Variants in ARHGAP8 observed in about 807,000 individuals in gnomAD.
The protein encoded by ARHGAP8 is Rho GTPase activating protein 8.
A neutral mutation model predicts 46.1 loss-of-function variants in ARHGAP8; 62 were observed. The observed-to-expected ratio is 1.34, with a 90% CI of 1.10 to 1.66. The LOEUF is 1.66. ARHGAP8 is among the 40% of genes most tolerant of loss of function. ARHGAP8 has a pLI of 0.00. For synonymous variants in ARHGAP8, 375 were observed against 243.1 expected, an observed-to-expected ratio of 1.54 and a Z score of -5.05; for missense variants, 923 against 568.4, an observed-to-expected ratio of 1.62 and a Z score of -6.34.
chr22:44,808,442 C>T lies in ARHGAP8; in HGVS notation c.299+4C>T, dbSNP rs374300088. On this transcript the variant is annotated splice_donor_region_variant and intron_variant, in intron 4 of 11. Transcript: ENST00000356099. ...CATACAAGGAGTTCGATAGGAAGTA[C>T]GTGCCCGCAAGCCTTCAGGGACGTG... 3.1e-5 allele frequency: 50 copies of T among 1,613,588 alleles called. No individual in the cohort carries two copies. Among genetic ancestry groups the T allele is most frequent in the Middle Eastern group, 1.6e-4 (1 of 6,080 alleles).
At chr22:44,791,426 G>A (rs75979677) in intron 2 of ARHGAP8, among the ~76,000 whole-genome samples, 9,127 of 152,134 alleles carry the variant, frequency 0.06, 451 homozygotes, top group African/African-American at 0.14. Context: ...CAGCTTCGCC[G>A]GGCGCAGTGG....
chr22:44,853,964 T>G (rs1023344380), intron 10 of ARHGAP8, among the ~76,000 whole-genome samples: 4 of 132,256 alleles, frequency 3.0e-5, no homozygotes, highest in African/African-American at 1.2e-4. Context: ...GAGGCAGAGG[T>G]TGCAGTGAGC....
intron 2 of ARHGAP8, among the ~76,000 whole-genome samples, chr22:44,794,320 G>C (rs1330547357): frequency 1.3e-5 from 2 of 152,204 alleles, no homozygotes; most frequent in East Asian, 3.8e-4. Context: ...TGACCAAAGA[G>C]GCGCCAGCCC....
chr22:44,802,088 T>C lies in ARHGAP8; in HGVS notation c.91T>C (p.Phe31Leu). The stretch of plus-strand genomic sequence containing the variant: ...GTCTGCTCCTCCAGGGGATGACCGC[T>C]TTGGAAGACGTGTTGTCACGTTCAG... Reference protein sequence around the residue: ...GILQVAGDDRFGRRVVTFSCC... With the variant: ...GILQVAGDDRLGRRVVTFSCC... The change falls in exon 3 of 12, where the codon TTT becomes CTT. Residue 31 changes from phenylalanine to leucine, a missense_variant. Physicochemically the swap from Phe to Leu is conservative, Grantham distance 22 (BLOSUM62 0). Coordinates refer to ENST00000356099, the MANE Select transcript of ARHGAP8 (RefSeq NM_181335.3). 9 of 1,614,142 alleles carry C rather than the reference T, an allele frequency of 5.6e-6. No individual in the cohort carries two copies. The highest frequency in any genetic ancestry group is 7.6e-6 in the Non-Finnish European group (9 of 1,179,988).
intron 7 of ARHGAP8, among the ~76,000 whole-genome samples, chr22:44,830,516 A>AT (rs942474782): frequency 6.7e-6 from 1 of 148,688 alleles, no homozygotes; most frequent in Non-Finnish European, 1.5e-5. Flanking sequence ...TTGCATTTTT[A>AT]TTTTTTATTT....
chr22:44,778,670 C>T (rs558811958), intron 1 of ARHGAP8, among the ~76,000 whole-genome samples: 12 of 152,260 alleles, frequency 7.9e-5, no homozygotes, highest in Middle Eastern at 3.4e-3. Context: ...CCCTGTTCAC[C>T]GCAGCCACGC....
chr22:44,845,782 TG>T (rs1308063584), intron 8 of ARHGAP8, among the ~76,000 whole-genome samples: 1 of 151,956 alleles, frequency 6.6e-6, no homozygotes, highest in African/African-American at 2.4e-5. Flanking sequence ...GAACTTGGAG[TG>T]GGGTGAGCCT....
At chr22:44,844,902 A>G (rs975354687) in intron 7 of ARHGAP8, among the ~76,000 whole-genome samples, 2 of 152,176 alleles carry the variant, frequency 1.3e-5, no homozygotes, top group African/African-American at 4.8e-5. Context: ...GCCATCTCAT[A>G]CCACTGGGAC....
chr22:44,829,764 T>C (rs1339979400), intron 7 of ARHGAP8, among the ~76,000 whole-genome samples: 1 of 152,250 alleles, frequency 6.6e-6, no homozygotes, highest in Non-Finnish European at 1.5e-5. Flanking sequence ...TGAATCCTAT[T>C]CACAAATGTT....
intron 11 of ARHGAP8, among the ~76,000 whole-genome samples, chr22:44,861,235 A>C (rs2147207160): frequency 6.6e-6 from 1 of 152,170 alleles, no homozygotes; most frequent in Middle Eastern, 3.4e-3. Flanking sequence ...GCCTCTTAAG[A>C]GTGCTGGGAT....
At chr22:44,796,931 G>A (rs1001726) in intron 2 of ARHGAP8, among the ~76,000 whole-genome samples, 14,512 of 152,208 alleles carry the variant, frequency 0.095, 882 homozygotes, top group African/African-American at 0.16. Context: ...GTGAAGGGTG[G>A]TCTAAGCCCA....
chr22:44,795,183 T>C (rs900832170), intron 2 of ARHGAP8, among the ~76,000 whole-genome samples: 1 of 152,154 alleles, frequency 6.6e-6, no homozygotes, highest in African/African-American at 2.4e-5. Context: ...CCATGGGCTC[T>C]GCAAACAGTA....
At chr22:44,839,882 G>A (rs1266844939) in intron 7 of ARHGAP8, among the ~76,000 whole-genome samples, 1 of 152,238 alleles carries the variant, frequency 6.6e-6, no homozygotes, top group Non-Finnish European at 1.5e-5. Flanking sequence ...TCGGCCAGGC[G>A]AGTTTGCCCA....
intron 8 of ARHGAP8, among the ~76,000 whole-genome samples, chr22:44,845,885 C>A (rs2069942822): frequency 1.3e-5 from 2 of 152,140 alleles, no homozygotes; most frequent in South Asian, 4.1e-4. Context: ...GAAAGAGGTT[C>A]CCACGGAGGA....
intron 6 of ARHGAP8, among the ~76,000 whole-genome samples, chr22:44,824,139 C>T (rs1930342685): frequency 6.6e-6 from 1 of 152,160 alleles, no homozygotes; most frequent in South Asian, 2.1e-4. Context: ...AGCGGCAGGG[C>T]AGGGCCTTGG....
intron 1 of ARHGAP8, among the ~76,000 whole-genome samples, chr22:44,784,623 C>G (rs186985490): frequency 2.0e-5 from 3 of 152,116 alleles, no homozygotes; most frequent in African/African-American, 7.2e-5. Context: ...TACTGAGAGA[C>G]AACTGTACTT....
In ARHGAP8 at chr22:44,818,566, C is replaced by G. The variant is rs139700838; in HGVS notation, c.387-3805C>G. 2.6e-3 allele frequency among the ~76,000 whole-genome samples: 398 copies of G among 152,356 alleles called. 5 individuals are homozygous for G. The highest frequency in any genetic ancestry group is 9.3e-3 in the African/African-American group (386 of 41,584). On this transcript the variant is annotated intron_variant, in intron 5 of 11. Coordinates refer to ENST00000356099, the MANE Select transcript of ARHGAP8 (RefSeq NM_181335.3). ...CCCTTGCCATCCATTACCCATTACCCTCAACAAAAGAGCCAACCCCTCTCT... is the reference window on the plus strand; with the variant it reads ...CCCTTGCCATCCATTACCCATTACCGTCAACAAAAGAGCCAACCCCTCTCT...
intron 2 of ARHGAP8, among the ~76,000 whole-genome samples, chr22:44,801,113 GCACCTCTCCC>G (rs1928490540): frequency 2.0e-5 from 1 of 50,462 alleles, no homozygotes; most frequent in African/African-American, 1.1e-4. Context: ...ATGTGTGGGG[GCACCTCTCCC>G]CGCAGCTGTC....
At chr22:44,839,974 C>A (rs1931545827) in intron 7 of ARHGAP8, among the ~76,000 whole-genome samples, 1 of 152,204 alleles carries the variant, frequency 6.6e-6, no homozygotes, top group African/African-American at 2.4e-5. Flanking sequence ...TGTTCCTGCA[C>A]CTCTGGCCTC....
Sources: allele counts gnomAD v4.1 joint callset (sites outside exome capture counted in the v4.1 genomes callset), GRCh38; gene constraint gnomAD v4.1.1; transcripts MANE v1.5; gene names NCBI Gene and HGNC (gene_info 2026-07-23, HGNC 2026-07-21).